Variants in KLHL2 observed in about 807,000 individuals in gnomAD.
The protein encoded by KLHL2 is kelch like family member 2.
A neutral mutation model predicts 75.8 loss-of-function variants in KLHL2; 15 were observed. The ratio of observed to expected loss-of-function variants is 0.20; its 90% CI spans 0.13 to 0.30. The LOEUF is 0.30. Ranked by LOEUF, KLHL2 falls within the 10% of genes least tolerant of loss-of-function variation. The probability of loss-of-function intolerance (pLI) is 1.00; values close to 1 mark genes in which losing one functional copy is unlikely to be tolerated. For synonymous variants in KLHL2, 214 were observed against 251.9 expected, an observed-to-expected ratio of 0.85 and a Z score of 1.42; for missense variants, 381 against 741.0, an observed-to-expected ratio of 0.51 and a Z score of 5.64.
intron 4 of KLHL2, among the ~76,000 whole-genome samples, chr4:165,260,920 A>G (rs1331769713): frequency 6.6e-6 from 1 of 152,210 alleles, no homozygotes; most frequent in Non-Finnish European, 1.5e-5. Flanking sequence ...TTGGACCAAT[A>G]TGTGCTCCCA....
intron 3 of KLHL2, among the ~76,000 whole-genome samples, chr4:165,229,452 T>A (rs1278215225): frequency 2.6e-5 from 4 of 152,240 alleles, no homozygotes; most frequent in Admixed American, 6.5e-5. Context: ...CATTCTTTTT[T>A]AAAATATACT....
At chr4:165,297,281 C>T (rs1383787972) in intron 6 of KLHL2, among the ~76,000 whole-genome samples, 1 of 151,894 alleles carries the variant, frequency 6.6e-6, no homozygotes, top group Non-Finnish European at 1.5e-5. Flanking sequence ...ATTGTACAAA[C>T]CTTCGATTTA....
chr4:165,243,941 T>C (rs537681466), intron 4 of KLHL2, among the ~76,000 whole-genome samples: 1 of 152,362 alleles, frequency 6.6e-6, no homozygotes, highest in East Asian at 1.9e-4. Flanking sequence ...TATGTAGGTT[T>C]ACAATTGTAT....
In KLHL2 at chr4:165,317,808, C is replaced by G; in HGVS notation, c.1610-18C>G. On this transcript the variant is annotated intron_variant, in intron 13 of 14. Coordinates refer to ENST00000226725, the MANE Select transcript of KLHL2 (RefSeq NM_007246.4). The stretch of plus-strand genomic sequence containing the variant: ...CCAATTTTTTAAATAATTGTTTTCT[C>G]TCTGTAATTTTTTAAAGGAGTTTGT... 6.3e-7 allele frequency: 1 copy of G among 1,596,206 alleles called. No individual in the cohort carries two copies.
intron 3 of KLHL2, among the ~76,000 whole-genome samples, chr4:165,232,420 C>G (rs1738970097): frequency 6.9e-6 from 1 of 145,970 alleles, no homozygotes; most frequent in Non-Finnish European, 1.5e-5. Flanking sequence ...GAGCAAGACT[C>G]TGTCTCAAAA....
In KLHL2 at chr4:165,228,810, A is replaced by G. The variant is rs767479901; in HGVS notation, c.156A>G (p.Gln52=). The G allele has an allele frequency of 9.9e-6, 16 of 1,610,534 alleles. No individual in the cohort carries two copies. The highest frequency in any genetic ancestry group is 1.4e-5 in the Non-Finnish European group (16 of 1,177,476). ...AFKVMNELRS[Q]NLLCDVTIVA... ...TTTCTCTCTGCTTTTTACACAGTCAAAATTTGCTGTGCGATGTCACAATTG... is the reference window on the plus strand; with the variant it reads ...TTTCTCTCTGCTTTTTACACAGTCAGAATTTGCTGTGCGATGTCACAATTG... Residue 52 remains glutamine, a synonymous_variant, in exon 3 of 15, where the codon CAA becomes CAG. Coordinates refer to ENST00000226725, the MANE Select transcript of KLHL2 (RefSeq NM_007246.4).
intron 5 of KLHL2, among the ~76,000 whole-genome samples, chr4:165,274,012 T>C (rs902252834): frequency 1.6e-4 from 24 of 152,236 alleles, no homozygotes; most frequent in African/African-American, 5.5e-4. Flanking sequence ...ACATAGCTTG[T>C]GAAGAACTCC....
At chr4:165,243,578 T>C (rs1269867408) in intron 4 of KLHL2, among the ~76,000 whole-genome samples, 1 of 152,226 alleles carries the variant, frequency 6.6e-6, no homozygotes, top group African/African-American at 2.4e-5. Context: ...AAAATTTAAA[T>C]GAGAGTTTTT....
intron 5 of KLHL2, among the ~76,000 whole-genome samples, chr4:165,289,430 A>G (rs1744332162): frequency 6.6e-6 from 1 of 151,632 alleles, no homozygotes; most frequent in Non-Finnish European, 1.5e-5. Context: ...ATTTAAAAAC[A>G]TGTATATGTA....
intron 1 of KLHL2, among the ~76,000 whole-genome samples, chr4:165,216,380 C>T (rs1737544631): frequency 2.0e-5 from 3 of 152,124 alleles, no homozygotes; most frequent in Admixed American, 2.0e-4. Context: ...GTGTTGATAA[C>T]AATAGGCTAT....
At chr4:165,289,139 C>G (rs1407837534) in intron 5 of KLHL2, among the ~76,000 whole-genome samples, 1 of 152,104 alleles carries the variant, frequency 6.6e-6, no homozygotes, top group Non-Finnish European at 1.5e-5. Context: ...TTACAAGCAA[C>G]AATCTCATTA....
At chr4:165,288,734 G>A (rs1211370792) in intron 5 of KLHL2, among the ~76,000 whole-genome samples, 2 of 151,944 alleles carry the variant, frequency 1.3e-5, no homozygotes, top group African/African-American at 4.8e-5. Context: ...TATATTTGTA[G>A]GATGAGATTT....
chr4:165,239,148 A>G (rs1739599433), intron 4 of KLHL2, among the ~76,000 whole-genome samples: 2 of 152,168 alleles, frequency 1.3e-5, no homozygotes, highest in South Asian at 2.1e-4. Flanking sequence ...TTTCATGAAA[A>G]CACTGTCATA....
At chr4:165,298,025 G>T (rs1466663350) in intron 7 of KLHL2, among the ~76,000 whole-genome samples, 1 of 152,176 alleles carries the variant, frequency 6.6e-6, no homozygotes, top group Non-Finnish European at 1.5e-5. Flanking sequence ...GTTTTGCCCT[G>T]TTGGCCAGGC....
chr4:165,265,810 A>G (rs1228933858), intron 5 of KLHL2, among the ~76,000 whole-genome samples: 4 of 152,172 alleles, frequency 2.6e-5, no homozygotes, highest in Non-Finnish European at 5.9e-5. Flanking sequence ...TAGTAGTATG[A>G]TATATAATGC....
intron 10 of KLHL2, 104 bp downstream of exon 10, chr4:165,310,854 T>TG: frequency 3.5e-6 from 3 of 855,404 alleles, no homozygotes; most frequent in Non-Finnish European, 5.5e-6. Context: ...AGGTTTTTTG[T>TG]GTTTTTTTTT....
intron 8 of KLHL2, among the ~76,000 whole-genome samples, chr4:165,300,017 T>C (rs1745229386): frequency 1.3e-5 from 2 of 152,116 alleles, no homozygotes. Context: ...CCTGGGGTGC[T>C]GTGATTCATG....
chr4:165,313,326 G>A lies in KLHL2; in HGVS notation c.1428G>A (p.Trp476Ter). The change falls in exon 12 of 15, where the codon TGG (tryptophan) becomes TGA (stop). Residue 476 changes from tryptophan to a stop codon, truncating the protein, a stop_gained. Transcript: ENST00000226725. LOFTEE classifies it high-confidence loss of function. ...VECYNATTNEWTYIAEMSTRR... is the reference protein window; with the variant it reads ...VECYNATTNE ...GCTATAATGCTACAACAAATGAGTGGACCTATATAGCAGAAATGAGCACCA... is the reference window on the plus strand; with the variant it reads ...GCTATAATGCTACAACAAATGAGTGAACCTATATAGCAGAAATGAGCACCA... 1 of 1,571,064 alleles carries A rather than the reference G, an allele frequency of 6.4e-7. No individual in the cohort carries two copies. Among genetic ancestry groups the A allele is most frequent in the East Asian group, 2.4e-5 (1 of 41,758 alleles).
chr4:165,247,230 A>G (rs551132854), intron 4 of KLHL2, among the ~76,000 whole-genome samples: 27 of 152,192 alleles, frequency 1.8e-4, no homozygotes, highest in Non-Finnish European at 3.8e-4. Context: ...GATAAATTAT[A>G]TGGTCACACT....
Sources: gnomAD v4.1 joint callset for allele counts (sites outside exome capture counted in the v4.1 genomes callset) on GRCh38, gnomAD v4.1.1 for gene constraint, MANE v1.5 for transcripts, NCBI Gene and HGNC (gene_info 2026-07-23, HGNC 2026-07-21) for gene names.